The following IL1RAPL1 variants were observed in gnomAD, a reference collection of about 807,000 sequenced individuals.
The protein encoded by IL1RAPL1 is interleukin 1 receptor accessory protein like 1, also known as interleukin-1 receptor accessory protein-like 1.
IL1RAPL1 carries 3 observed loss-of-function variants against 48.4 expected under a neutral mutation model. The observed-to-expected ratio is 0.06, with a 90% CI of 0.03 to 0.16. The LOEUF (loss-of-function observed/expected upper bound fraction) is 0.16, where lower values mean the gene tolerates loss of function less well. IL1RAPL1 is among the 10% of genes least tolerant of loss of function. The pLI is 1.00. For synonymous variants in IL1RAPL1, 185 were observed against 187.7 expected, an observed-to-expected ratio of 0.99 and a Z score of 0.12; for missense variants, 349 against 530.6, an observed-to-expected ratio of 0.66 and a Z score of 3.36.
At chrX:29,013,229 G>C (rs374174340) in intron 2 of IL1RAPL1, among the ~76,000 whole-genome samples, 1 of 109,372 alleles carries the variant, frequency 9.1e-6, no homozygotes, top group East Asian at 2.8e-4. Flanking sequence ...ATGCTAGCAA[G>C]GTTATGGAAA....
rs373968897 is a variant in IL1RAPL1, at chrX:29,061,722, G to A, written c.83-221216G>A. Among the ~76,000 whole-genome samples the A allele has an allele frequency of 1.4e-4, 16 of 112,577 alleles. No individual in the cohort carries two copies. In the East Asian group the frequency reaches 2.8e-3, roughly 20 times the overall value. ...CATCCGCCCACCTCGGTCTCCCAAA[G>A]TGCCGGGATTATAGGCGTGAGCCAC... On this transcript the variant is annotated intron_variant, in intron 2 of 10. Transcript: ENST00000378993.
chrX:28,676,745 A>C (rs1935002247), intron 1 of IL1RAPL1, among the ~76,000 whole-genome samples: 1 of 108,616 alleles, frequency 9.2e-6, no homozygotes, highest in South Asian at 4.0e-4. Flanking sequence ...AAAAAAAAAA[A>C]CCAACAAAAC....
chrX:28,675,924 G>A (rs1349338509), intron 1 of IL1RAPL1, among the ~76,000 whole-genome samples: 3 of 112,042 alleles, frequency 2.7e-5, no homozygotes, highest in Non-Finnish European at 5.6e-5. Context: ...AGTCTTGTAG[G>A]AGTTCAGTTG....
At chrX:29,954,749 A>G (rs1933385034) in intron 10 of IL1RAPL1, 57 bp downstream of exon 10, 1 of 967,572 alleles carries the variant, frequency 1.0e-6, no homozygotes, top group African/African-American at 1.9e-5. Context: ...CTGTGTAGTC[A>G]TCACTTTTTC....
At chrX:29,092,622 TTTAA>T (rs1286332695) in intron 2 of IL1RAPL1, among the ~76,000 whole-genome samples, 2 of 112,156 alleles carry the variant, frequency 1.8e-5, no homozygotes, top group African/African-American at 3.2e-5. Context: ...ATACTACTGT[TTTAA>T]TTAATATAAT....
intron 1 of IL1RAPL1, among the ~76,000 whole-genome samples, chrX:28,771,917 G>A (rs758876852): frequency 1.3e-5 from 1 of 74,301 alleles, no homozygotes; most frequent in East Asian, 4.7e-4. Context: ...CGGCCTGGGC[G>A]ACAGAGCGAG....
At chrX:29,694,698 C>A (rs149827278) in intron 6 of IL1RAPL1, among the ~76,000 whole-genome samples, 1,723 of 111,467 alleles carry the variant, frequency 0.015, 36 homozygotes, top group African/African-American at 0.054. Flanking sequence ...AGGGATCTCT[C>A]TCAGGGCTTT....
chrX:29,364,383 A>G (rs1166534870), intron 3 of IL1RAPL1, among the ~76,000 whole-genome samples: 3 of 107,700 alleles, frequency 2.8e-5, no homozygotes, highest in Non-Finnish European at 5.7e-5. Context: ...AGATGGTGAA[A>G]CCCCATCTCT....
chrX:29,070,821 GA>G (rs1201058085), intron 2 of IL1RAPL1, among the ~76,000 whole-genome samples: 1 of 111,316 alleles, frequency 9.0e-6, no homozygotes, highest in Admixed American at 9.6e-5. Context: ...CTTGTATACA[GA>G]AAAAAAGTGT....
intron 6 of IL1RAPL1, among the ~76,000 whole-genome samples, chrX:29,887,114 A>T (rs1224716439): frequency 8.9e-6 from 1 of 112,135 alleles, no homozygotes; most frequent in East Asian, 2.8e-4. Flanking sequence ...CTTCTTCAGC[A>T]CAAAGAAGGA....
intron 2 of IL1RAPL1, among the ~76,000 whole-genome samples, chrX:29,111,300 T>C (rs916512512): frequency 1.8e-5 from 2 of 112,047 alleles, no homozygotes; most frequent in Non-Finnish European, 3.8e-5. Context: ...TGTTCCTAAA[T>C]AATATATTGT....
At chrX:28,786,058 C>T in intron 1 of IL1RAPL1, among the ~76,000 whole-genome samples, 1 of 111,463 alleles carries the variant, frequency 9.0e-6, no homozygotes, top group Non-Finnish European at 1.9e-5. Context: ...CAAGGCCTTC[C>T]AGTCAAGTAG....
intron 1 of IL1RAPL1, among the ~76,000 whole-genome samples, chrX:28,710,740 A>G (rs1387559173): frequency 1.8e-5 from 2 of 112,422 alleles, no homozygotes; most frequent in African/African-American, 6.5e-5. Context: ...TATTCAAAAT[A>G]TCATCATTTT....
At chrX:29,457,939 A>T (rs1286856554) in intron 5 of IL1RAPL1, among the ~76,000 whole-genome samples, 1 of 111,697 alleles carries the variant, frequency 9.0e-6, no homozygotes, top group Non-Finnish European at 1.9e-5. Flanking sequence ...TTTATCTGAC[A>T]ATTAGTGATG....
rs1480394596 is a variant in IL1RAPL1, at chrX:29,850,470, AG to A, written c.779-66992del. Among the ~76,000 whole-genome samples the A allele has an allele frequency of 2.7e-5, 3 of 112,335 alleles. No homozygotes were observed. The Admixed American group carries it at 2.8e-4, about 11-fold the overall frequency. On this transcript the variant is annotated intron_variant, in intron 6 of 10. Transcript: ENST00000378993. Reference sequence around the variant, plus strand: ...TTAATTGGGACCTTAAGGACCCTTCAGGACCTCTAAGGCCTTTCCAAAGAGC... The same window carrying A: ...TTAATTGGGACCTTAAGGACCCTTCAGACCTCTAAGGCCTTTCCAAAGAGC...
intron 3 of IL1RAPL1, among the ~76,000 whole-genome samples, chrX:29,381,836 ATATATAT>A (rs1569299186): frequency 2.5e-4 from 7 of 27,755 alleles, no homozygotes; most frequent in Non-Finnish European, 5.8e-4. Flanking sequence ...AAAAAAAAAT[ATATATAT>A]ATATATATAT....
At chrX:29,563,372 A>G (rs1922302547) in intron 5 of IL1RAPL1, among the ~76,000 whole-genome samples, 1 of 111,885 alleles carries the variant, frequency 8.9e-6, no homozygotes, top group Non-Finnish European at 1.9e-5. Context: ...ATTCACTTTT[A>G]TGTTAATAAA....
intron 6 of IL1RAPL1, among the ~76,000 whole-genome samples, chrX:29,778,159 A>G (rs1284685746): frequency 9.0e-6 from 1 of 111,520 alleles, no homozygotes; most frequent in Admixed American, 9.6e-5. Flanking sequence ...CGCTTAATCT[A>G]CATTGTAGTT....
intron 5 of IL1RAPL1, among the ~76,000 whole-genome samples, chrX:29,664,747 A>G (rs922733032): frequency 8.9e-6 from 1 of 111,947 alleles, no homozygotes; most frequent in African/African-American, 3.2e-5. Flanking sequence ...GCTCAAGTGT[A>G]AAAGGGATGG....
Sources: gnomAD v4.1 joint callset for allele counts (sites outside exome capture counted in the v4.1 genomes callset) on GRCh38, gnomAD v4.1.1 for gene constraint, MANE v1.5 for transcripts, NCBI Gene and HGNC (gene_info 2026-07-23, HGNC 2026-07-21) for gene names.